The following FARS2 variants were observed in gnomAD, a reference collection of about 807,000 sequenced individuals.
The protein encoded by FARS2 is phenylalanine--tRNA ligase, mitochondrial.
In FARS2, 40 loss-of-function variants were observed where a neutral mutation model predicts 46.4. The ratio of observed to expected loss-of-function variants is 0.86; its 90% confidence interval spans 0.67 to 1.12. The LOEUF is 1.12. Ranked by LOEUF, FARS2 falls within the 50% of genes most tolerant of loss-of-function variation. FARS2 has a pLI of 0.00. For synonymous variants in FARS2, 234 were observed against 214.9 expected, an observed-to-expected ratio of 1.09 and a Z score of -0.78; for missense variants, 513 against 567.9, an observed-to-expected ratio of 0.90 and a Z score of 0.98.
chr6:5,381,101 CG>C (rs1759742431), intron 2 of FARS2, among the ~76,000 whole-genome samples: 1 of 151,524 alleles, frequency 6.6e-6, no homozygotes, highest in Non-Finnish European at 1.5e-5. Context: ...CCTGGGTTCA[CG>C]CCATTCTCCT....
intron 1 of FARS2, among the ~76,000 whole-genome samples, chr6:5,337,704 T>C (rs931309816): frequency 6.6e-6 from 1 of 152,226 alleles, no homozygotes. Context: ...ACTTGAGCAT[T>C]CAGGATATAC....
chr6:5,645,236 A>C (rs1408943228), intron 6 of FARS2, among the ~76,000 whole-genome samples: 1 of 152,196 alleles, frequency 6.6e-6, no homozygotes, highest in African/African-American at 2.4e-5. Context: ...GAGTGCATTT[A>C]CCTGCTTGCA....
intron 2 of FARS2, among the ~76,000 whole-genome samples, chr6:5,383,118 C>T (rs999170515): frequency 1.3e-5 from 2 of 152,166 alleles, no homozygotes; most frequent in Non-Finnish European, 2.9e-5. Flanking sequence ...CAAGTTGGCA[C>T]ATAAAATTAA....
chr6:5,732,564 A>G (rs6926631), intron 6 of FARS2, among the ~76,000 whole-genome samples: 105,122 of 152,054 alleles, frequency 0.69, 37,323 homozygotes, highest in African/African-American at 0.85. Context: ...TGGGCCCATC[A>G]AGAGAGAATT....
At chr6:5,755,670 T>G (rs1762167697) in intron 6 of FARS2, among the ~76,000 whole-genome samples, 1 of 152,208 alleles carries the variant, frequency 6.6e-6, no homozygotes. Context: ...ATGTTTAGTA[T>G]ATAATGGGTT....
chr6:5,334,604 C>T (rs1419538080), intron 1 of FARS2, among the ~76,000 whole-genome samples: 1 of 152,064 alleles, frequency 6.6e-6, no homozygotes, highest in Non-Finnish European at 1.5e-5. Flanking sequence ...TCTTACCAGA[C>T]AAGAAGAGGT....
chr6:5,501,194 C>A (rs1157950500), intron 4 of FARS2, among the ~76,000 whole-genome samples: 1 of 151,840 alleles, frequency 6.6e-6, no homozygotes, highest in African/African-American at 2.4e-5. Context: ...TAAGTAGTAT[C>A]GGTATACCTC....
intron 1 of FARS2, among the ~76,000 whole-genome samples, chr6:5,341,124 G>A (rs1372397313): frequency 1.4e-5 from 2 of 141,082 alleles, no homozygotes; most frequent in Non-Finnish European, 3.0e-5. Flanking sequence ...TTCCAGCCTG[G>A]GCGACAGAGT....
At chr6:5,530,151 G>A (rs760167638) in intron 4 of FARS2, among the ~76,000 whole-genome samples, 12 of 152,078 alleles carry the variant, frequency 7.9e-5, no homozygotes, top group African/African-American at 1.2e-4. Flanking sequence ...AGTAAGCATC[G>A]GGGTCTCCAG....
rs574340849 is a variant in FARS2 at position 5,444,283 on chromosome 6, A to G, written c.904+13111A>G. Among the ~76,000 whole-genome samples, 8 of 152,128 alleles carry G rather than the reference A, an allele frequency of 5.3e-5. 1 individual carries two copies. In the South Asian group the frequency reaches 1.5e-3, roughly 28 times the overall value. ...GGAGTTCGCGACCAGCCTGACCAAC[A>G]TGGTGAAGCCCCGTCTCTACTAAAA... On this transcript the variant is annotated intron_variant, in intron 4 of 6. Coordinates refer to ENST00000274680, the MANE Select transcript of FARS2 (RefSeq NM_006567.5).
chr6:5,428,239 A>G (rs1407963721), intron 3 of FARS2, among the ~76,000 whole-genome samples: 1 of 152,206 alleles, frequency 6.6e-6, no homozygotes, highest in Non-Finnish European at 1.5e-5. Context: ...AAGATATTAC[A>G]GTTGTGAGAG....
At chr6:5,682,279 A>G (rs1464121643) in intron 6 of FARS2, among the ~76,000 whole-genome samples, 1 of 152,254 alleles carries the variant, frequency 6.6e-6, no homozygotes. Flanking sequence ...ATACATTTGT[A>G]TTGGAAGGAA....
chr6:5,403,105 C>G (rs896299874), intron 2 of FARS2, among the ~76,000 whole-genome samples: 13 of 152,162 alleles, frequency 8.5e-5, no homozygotes, highest in African/African-American at 2.9e-4. Flanking sequence ...TTAGAGGAAG[C>G]ATTGACAGCC....
chr6:5,622,242 A>G (rs895569067), intron 6 of FARS2, among the ~76,000 whole-genome samples: 2 of 152,102 alleles, frequency 1.3e-5, no homozygotes, highest in African/African-American at 4.8e-5. Context: ...GGCTCATCAG[A>G]TTTTTTACAC....
chr6:5,367,991 G>A (rs1451028692), intron 1 of FARS2, among the ~76,000 whole-genome samples: 2 of 152,164 alleles, frequency 1.3e-5, no homozygotes, highest in East Asian at 1.9e-4. Flanking sequence ...GTGATCTAGT[G>A]AAGTAATACA....
chr6:5,608,784 A>T (rs1433487026), intron 5 of FARS2, among the ~76,000 whole-genome samples: 1 of 152,188 alleles, frequency 6.6e-6, no homozygotes, highest in Admixed American at 6.5e-5. Context: ...GGTTGTATAT[A>T]AACTCCAAAA....
At chr6:5,619,750 C>T (rs914980176) in intron 6 of FARS2, among the ~76,000 whole-genome samples, 4 of 152,032 alleles carry the variant, frequency 2.6e-5, no homozygotes, top group African/African-American at 7.2e-5. Context: ...GAGTCATGGA[C>T]GTTGACCTGG....
At chr6:5,508,748 G>T (rs1561672468) in intron 4 of FARS2, among the ~76,000 whole-genome samples, 1 of 152,356 alleles carries the variant, frequency 6.6e-6, no homozygotes, top group East Asian at 1.9e-4. Flanking sequence ...TTCAGCAAGT[G>T]ACAGGATGAC....
At position 5,333,201 on chromosome 6, in the gene FARS2, T is replaced by C. The variant is rs575972959; in HGVS notation, c.-21-35349T>C. On this transcript the variant is annotated intron_variant, in intron 1 of 6. Coordinates refer to ENST00000274680, the MANE Select transcript of FARS2 (RefSeq NM_006567.5). ...GTCAATAATTAAGCAATACTGTTTATTTTGGTCTTACTTGAAATAGATGGA... is the reference window on the plus strand; with the variant it reads ...GTCAATAATTAAGCAATACTGTTTACTTTGGTCTTACTTGAAATAGATGGA... Among the ~76,000 whole-genome samples the C allele has an allele frequency of 1.3e-3, 191 of 150,514 alleles. 1 individual carries two copies. The highest frequency in any genetic ancestry group is 2.2e-3 in the Non-Finnish European group (148 of 66,890).
Sources: gnomAD v4.1 joint callset for allele counts (sites outside exome capture counted in the v4.1 genomes callset) on GRCh38, gnomAD v4.1.1 for gene constraint, MANE v1.5 for transcripts, NCBI Gene and HGNC (gene_info 2026-07-23, HGNC 2026-07-21) for gene names.